Variants in HHIPL1 observed in about 807,000 individuals in gnomAD.
The protein encoded by HHIPL1 is HHIP like 1, also known as HHIP-like protein 1.
HHIPL1 carries 43 observed loss-of-function variants against 61.8 expected under a neutral mutation model. The ratio of observed to expected loss-of-function variants is 0.70; its 90% CI spans 0.55 to 0.90. The LOEUF is 0.90. Among genes scored for constraint, HHIPL1 ranks in the 40% least tolerant of loss-of-function variants. HHIPL1 has a pLI of 0.00. For synonymous variants in HHIPL1, 482 were observed against 515.8 expected (o/e 0.93, Z 0.89); for missense variants, 1,056 against 1,157.7 (o/e 0.91, Z 1.28).
intron 2 of HHIPL1, among the ~76,000 whole-genome samples, chr14:99,654,672 A>G (rs1260887275): frequency 6.6e-6 from 1 of 152,238 alleles, no homozygotes; most frequent in Admixed American, 6.5e-5. Context: ...AATGTATAAA[A>G]AGGAGGAGAA....
At chr14:99,661,451 A>AAGGAAGGAAGGAAGGAAGGC (rs1595162004) in intron 5 of HHIPL1, among the ~76,000 whole-genome samples, 1 of 151,676 alleles carries the variant, frequency 6.6e-6, no homozygotes, top group Non-Finnish European at 1.5e-5. Context: ...GGAAGGAAGG[A>AAGGAAGGAAGGAAGGAAGGC]GTACATGCTT....
intron 1 of HHIPL1, 104 bp downstream of exon 1, chr14:99,645,566 C>T (rs541713179): frequency 1.7e-6 from 2 of 1,156,772 alleles, no homozygotes; most frequent in South Asian, 7.8e-5. Context: ...GGGCGGCGGA[C>T]TCGGGAACTC....
rs767401458 is a variant in HHIPL1, at chr14:99,652,351, A to C, written c.383A>C (p.His128Pro). 1 of 1,614,184 alleles carries C rather than the reference A, an allele frequency of 6.2e-7. No individual in the cohort carries two copies. Among genetic ancestry groups the C allele is most frequent in the East Asian group, 2.2e-5 (1 of 44,866 alleles). The part of the protein sequence containing the change: ...MWHKCRGLFR[H>P]LSTDQELWAL... ...CATAAGTGCCGGGGGCTGTTCCGTC[A>C]CCTGTCAACTGACCAGGAGCTCTGG... is the stretch of plus-strand genomic sequence containing the variant. Residue 128 changes from histidine (H) to proline (P), a missense_variant, in exon 2 of 9, where the codon CAC becomes CCC. Transcript: ENST00000330710.
In HHIPL1 at chr14:99,668,080, G is replaced by C. The variant is rs572060741; in HGVS notation, c.1649-142G>C. The C allele has an allele frequency of 6.0e-4, 420 of 694,282 alleles. 1 individual carries two copies. The highest frequency in any genetic ancestry group is 1.3e-3 in the Admixed American group (65 of 51,960). 43.0% of individuals were successfully genotyped at this position (694,282 alleles called of 1,614,324 possible). A position where few individuals can be genotyped will look rare whatever the true frequency, so the allele number is the denominator to read the frequency against. On this transcript the variant is annotated intron_variant, in intron 6 of 8. Transcript: ENST00000330710. This position sits in a 1 kb window ranked among gnomAD's most constrained non-coding sequence, Gnocchi z 4.7. ...CCTCTTTCTGGGGACTGGACAGCTA[G>C]ACTGAGCTGGGATGCCTCACGTGAT...
At chr14:99,657,288 T>C (rs2056064838) in intron 3 of HHIPL1, 145 bp downstream of exon 3, 4 of 951,612 alleles carry the variant, frequency 4.2e-6, no homozygotes, top group Non-Finnish European at 4.9e-6. Context: ...TGCAGCTAGC[T>C]GGGCAGCCTA....
At chr14:99,625,334 G>A in the HHIPL1 span, 7 of 152,322 alleles carry the variant, frequency 4.6e-5, no homozygotes, top group African/African-American at 1.7e-4. Context: ...GGGGTGGCTG[G>A]GAGGTGCAAT....
rs374377110 is a variant in HHIPL1 at position 99,668,348 on chromosome 14, G to C, written c.1730+45G>C. 1.7e-6 allele frequency: 2 copies of C among 1,168,978 alleles called. No homozygotes were observed. The highest frequency in any genetic ancestry group is 2.4e-5 in the South Asian group (2 of 82,164). 72.4% of individuals were successfully genotyped at this position (1,168,978 alleles called of 1,614,324 possible). On this transcript the variant is annotated intron_variant, in intron 7 of 8. Transcript: ENST00000330710. This position sits in a 1 kb window ranked among gnomAD's most constrained non-coding sequence, Gnocchi z 4.7. ...ACAGGGAGCTCCTGCTGTCTGTCAG[G>C]CCTCTTAGCTCCACGGGCTTGTCCC...
At chr14:99,610,175 G>C in the HHIPL1 span, among the ~76,000 whole-genome samples, 2 of 152,198 alleles carry the variant, frequency 1.3e-5, no homozygotes, top group African/African-American at 4.8e-5. Context: ...CAAGAGGGAG[G>C]CTCAACATAC....
In HHIPL1 at chr14:99,672,407, C is replaced by T. The variant is rs1324026799; in HGVS notation, c.1813+8C>T. On this transcript the variant is annotated splice_region_variant and intron_variant, in intron 8 of 8. Coordinates refer to ENST00000330710, the MANE Select transcript of HHIPL1 (RefSeq NM_001127258.3). ...CCTTTGTGCCCAAAGAAAGTAAGTG[C>T]CTGCCAGTGGGACACTGAGGGTTGG... is the stretch of plus-strand genomic sequence containing the variant. 6.5e-7 allele frequency: 1 copy of T among 1,548,780 alleles called. No individual in the cohort carries two copies. The highest frequency in any genetic ancestry group is 8.7e-7 in the Non-Finnish European group (1 of 1,144,976).
the HHIPL1 span, among the ~76,000 whole-genome samples, chr14:99,619,835 T>C: frequency 6.6e-6 from 1 of 151,882 alleles, no homozygotes; most frequent in South Asian, 2.1e-4. Context: ...TATGGGGACG[T>C]GTTTGTGCAC....
Position 99,652,755 on chromosome 14 carries a change from A to T in HHIPL1, c.787A>T (p.Asn263Tyr). 6.2e-7 allele frequency: 1 copy of T among 1,614,050 alleles called. No individual in the cohort carries two copies. The highest frequency in any genetic ancestry group is 8.5e-7 in the Non-Finnish European group (1 of 1,180,048). The change falls in exon 2 of 9, where the codon AAC (asparagine) becomes TAC (tyrosine). Residue 263 changes from asparagine to tyrosine, a missense_variant. Transcript: ENST00000330710. ...TGCCTTCCACCCCAGCTTCCAGCAC[A>T]ACCGCAGGCTCTACGTCTACTACTC... ...GIAFHPSFQH[N>Y]RRLYVYYSVG...
At chr14:99,618,446 C>T in the HHIPL1 span, among the ~76,000 whole-genome samples, 38 of 152,238 alleles carry the variant, frequency 2.5e-4, no homozygotes, top group African/African-American at 8.7e-4. Flanking sequence ...CAGCTCCCCA[C>T]TGGGCTCCAC....
At chr14:99,624,414 T>A in the HHIPL1 span, among the ~76,000 whole-genome samples, 1 of 152,100 alleles carries the variant, frequency 6.6e-6, no homozygotes, top group Non-Finnish European at 1.5e-5. Context: ...AGCTGTGAAG[T>A]CCACGACACA....
chr14:99,670,720 C>T (rs1445860253), intron 7 of HHIPL1, among the ~76,000 whole-genome samples: 1 of 152,178 alleles, frequency 6.6e-6, no homozygotes, highest in East Asian at 1.9e-4. Flanking sequence ...GGATCACACG[C>T]AGACTTGGTT....
chr14:99,637,128 G>GAAAGAAAAGA, the HHIPL1 span, among the ~76,000 whole-genome samples: 41 of 29,546 alleles, frequency 1.4e-3, 4 homozygotes, highest in East Asian at 0.13. Flanking sequence ...AGAAAAGAAA[G>GAAAGAAAAGA]AGAGAGAGAG....
intron 5 of HHIPL1, 148 bp from the exon 6 acceptor site, chr14:99,662,728 G>C (rs904543068): frequency 2.8e-6 from 2 of 719,392 alleles, no homozygotes; most frequent in Non-Finnish European, 4.6e-6. Context: ...CAGTGGGTGA[G>C]TGGATATGTA....
intron 2 of HHIPL1, among the ~76,000 whole-genome samples, chr14:99,654,624 C>T (rs1341021032): frequency 1.3e-5 from 2 of 152,158 alleles, no homozygotes; most frequent in Non-Finnish European, 2.9e-5. Context: ...AAGAACAGCA[C>T]ATTGTGTGTT....
the HHIPL1 span, among the ~76,000 whole-genome samples, chr14:99,628,769 C>T: frequency 1.4e-4 from 21 of 152,246 alleles, 1 homozygote; most frequent in South Asian, 4.4e-3. Flanking sequence ...TGGGTCCCTT[C>T]TAGCTTCCTG....
upstream of HHIPL1, among the ~76,000 whole-genome samples, chr14:99,642,195 C>T (rs1468119687): frequency 6.6e-6 from 1 of 152,200 alleles, no homozygotes; most frequent in African/African-American, 2.4e-5. Flanking sequence ...CCGCCTCCAC[C>T]TCCCAAAGTG....
Sources: allele counts gnomAD v4.1 joint callset (sites outside exome capture counted in the v4.1 genomes callset), GRCh38; gene constraint gnomAD v4.1.1; non-coding constraint Gnocchi (gnomAD v3.1); transcripts MANE v1.5; gene names NCBI Gene and HGNC (gene_info 2026-07-23, HGNC 2026-07-21).